The following SUGCT variants were observed in gnomAD, a reference collection of about 807,000 sequenced individuals.
SUGCT encodes the protein succinyl-CoA:glutarate-CoA transferase.
Under a neutral mutation model 55.0 loss-of-function variants are expected in SUGCT, and 41 were observed. That is an observed-to-expected ratio of 0.74 (90% CI 0.58 to 0.97). The LOEUF (loss-of-function observed/expected upper bound fraction) is 0.97. Ranked by LOEUF, SUGCT falls within the 50% of genes least tolerant of loss-of-function variation. The probability of loss-of-function intolerance (pLI) is 0.00; values close to 1 mark genes in which losing one functional copy is unlikely to be tolerated. For missense variants in SUGCT, 568 were observed against 547.8 expected, an observed-to-expected ratio of 1.04 and a Z score of -0.37; for synonymous variants, 187 against 200.4, an observed-to-expected ratio of 0.93 and a Z score of 0.56.
the SUGCT span, among the ~76,000 whole-genome samples, chr7:40,874,764 C>G: frequency 1.3e-5 from 2 of 152,196 alleles, no homozygotes; most frequent in East Asian, 3.8e-4. Flanking sequence ...AAGCCACCAC[C>G]ACACTTAGTG....
the SUGCT span, among the ~76,000 whole-genome samples, chr7:40,935,418 T>A: frequency 1.2e-4 from 19 of 152,194 alleles, no homozygotes; most frequent in African/African-American, 4.3e-4. Flanking sequence ...AATTCCTTCC[T>A]GACCTCAGCC....
chr7:40,359,378 T>C (rs1453484430), intron 9 of SUGCT, among the ~76,000 whole-genome samples: 1 of 152,160 alleles, frequency 6.6e-6, no homozygotes, highest in Non-Finnish European at 1.5e-5. Flanking sequence ...CTGATTTTTA[T>C]ATTTTTAGTA....
intron 13 of SUGCT, chr7:40,808,117 A>T (rs1418033162): frequency 1.3e-5 from 2 of 152,244 alleles, no homozygotes; most frequent in Non-Finnish European, 2.9e-5. Context: ...TAACTATCAC[A>T]CATGGCTACT....
chr7:40,435,660 T>C (rs184295103), intron 9 of SUGCT, among the ~76,000 whole-genome samples: 1 of 152,314 alleles, frequency 6.6e-6, no homozygotes, highest in East Asian at 1.9e-4. Flanking sequence ...CTTTGTTCAA[T>C]GGCTTGGGCT....
chr7:40,212,256 A>G (rs1419896638), intron 6 of SUGCT, among the ~76,000 whole-genome samples: 1 of 149,862 alleles, frequency 6.7e-6, no homozygotes, highest in African/African-American at 2.4e-5. Flanking sequence ...GAGACCCCAT[A>G]TCTAAAAAAA....
chr7:40,725,157 A>T (rs912585142), intron 12 of SUGCT, among the ~76,000 whole-genome samples: 7 of 152,162 alleles, frequency 4.6e-5, no homozygotes, highest in African/African-American at 1.4e-4. Context: ...GCGGTTATAG[A>T]ATGTAGAATT....
intron 12 of SUGCT, among the ~76,000 whole-genome samples, chr7:40,622,488 A>G (rs1799308368): frequency 7.1e-6 from 1 of 141,790 alleles, no homozygotes; most frequent in Admixed American, 7.1e-5. Context: ...TACTTTTTTC[A>G]TTGATCTCAG....
intron 12 of SUGCT, among the ~76,000 whole-genome samples, chr7:40,690,938 T>C (rs1784669483): frequency 6.6e-6 from 1 of 152,166 alleles, no homozygotes; most frequent in South Asian, 2.1e-4. Flanking sequence ...TAGAAGTCAC[T>C]GACAGACACC....
chr7:40,153,887 G>C (rs1788716075), intron 1 of SUGCT: 3 of 374,684 alleles, frequency 8.0e-6, no homozygotes, highest in South Asian at 7.6e-5. Flanking sequence ...AAAAAGATGG[G>C]ATCCAAGAAG....
chr7:40,135,444 G>T (rs553304193), intron 1 of SUGCT, among the ~76,000 whole-genome samples: 1 of 152,350 alleles, frequency 6.6e-6, no homozygotes, highest in African/African-American at 2.4e-5. Context: ...CTTCGAAAAT[G>T]CACACCAAGC....
chr7:40,649,787 C>G (rs1473873984), intron 12 of SUGCT, among the ~76,000 whole-genome samples: 1 of 152,192 alleles, frequency 6.6e-6, no homozygotes, highest in East Asian at 1.9e-4. Flanking sequence ...GTAGAAATTT[C>G]AGAATGCCAA....
the SUGCT span, among the ~76,000 whole-genome samples, chr7:40,898,912 C>T: frequency 6.6e-6 from 1 of 152,236 alleles, no homozygotes; most frequent in South Asian, 2.1e-4. Flanking sequence ...CATGAAGAAG[C>T]TGTTCCTCAA....
At chr7:40,369,804 A>G (rs1004246679) in intron 9 of SUGCT, among the ~76,000 whole-genome samples, 8 of 152,136 alleles carry the variant, frequency 5.3e-5, no homozygotes, top group African/African-American at 1.7e-4. Context: ...TTCAGTTGCA[A>G]TAAATCCTAG....
At position 40,181,871 on chromosome 7, in the gene SUGCT, C is replaced by CT. The variant is rs113751540; in HGVS notation, c.153-83dup. The CT allele has an allele frequency of 3.8e-3, 3,183 of 836,884 alleles. 69 individuals are homozygous for CT. The African/African-American group carries it at 0.047, about 12-fold the overall frequency. 51.8% of individuals were successfully genotyped at this position (836,884 alleles called of 1,614,324 possible). ...TCTTACTAGGATTATATGAGCGTGTCTGTGTTGACGGGTTGTTGGAAAATA... is the reference window on the plus strand; with the variant it reads ...TCTTACTAGGATTATATGAGCGTGTCTTGTGTTGACGGGTTGTTGGAAAATA... On this transcript the variant is annotated intron_variant, in intron 2 of 13. Coordinates refer to ENST00000335693, the MANE Select transcript of SUGCT (RefSeq NM_001193313.2).
At chr7:40,297,254 A>G (rs1389566284) in intron 8 of SUGCT, among the ~76,000 whole-genome samples, 1 of 152,078 alleles carries the variant, frequency 6.6e-6, no homozygotes, top group African/African-American at 2.4e-5. Flanking sequence ...ATTTTTACCT[A>G]AAGCGTTTAC....
intron 9 of SUGCT, among the ~76,000 whole-genome samples, chr7:40,318,053 C>A (rs1795532038): frequency 6.6e-6 from 1 of 152,196 alleles, no homozygotes; most frequent in Admixed American, 6.5e-5. Flanking sequence ...TGACCCTATA[C>A]TTCTAACCAG....
intron 13 of SUGCT, among the ~76,000 whole-genome samples, chr7:40,770,878 C>T (rs1392032797): frequency 6.6e-6 from 1 of 152,108 alleles, no homozygotes; most frequent in Non-Finnish European, 1.5e-5. Context: ...CCTTTATAAC[C>T]TTGGAGACAA....
intron 6 of SUGCT, among the ~76,000 whole-genome samples, chr7:40,209,101 T>G (rs1380673861): frequency 6.6e-6 from 1 of 152,144 alleles, no homozygotes; most frequent in East Asian, 1.9e-4. Context: ...GAGGAATGAG[T>G]GATGGGAGTT....
At chr7:40,249,027 A>G (rs889638978) in intron 7 of SUGCT, among the ~76,000 whole-genome samples, 9 of 151,830 alleles carry the variant, frequency 5.9e-5, no homozygotes, top group African/African-American at 2.2e-4. Context: ...GTGGTGGCTT[A>G]TGCCTGCAAT....
Sources: gnomAD v4.1 joint callset for allele counts (sites outside exome capture counted in the v4.1 genomes callset) on GRCh38, gnomAD v4.1.1 for gene constraint, MANE v1.5 for transcripts, NCBI Gene and HGNC (gene_info 2026-07-23, HGNC 2026-07-21) for gene names.